Variants in SNX29 observed in about 807,000 individuals in gnomAD.
SNX29 encodes the protein sorting nexin-29.
SNX29 carries 78 observed loss-of-function variants against 102.1 expected under a neutral mutation model. The ratio of observed to expected loss-of-function variants is 0.76; its 90% CI spans 0.64 to 0.92. The LOEUF (loss-of-function observed/expected upper bound fraction) is 0.92, where lower values mean the gene tolerates loss of function less well. Ranked by LOEUF, SNX29 falls within the 40% of genes least tolerant of loss-of-function variation. The probability of loss-of-function intolerance (pLI) is 0.00; values close to 1 mark genes in which losing one functional copy is unlikely to be tolerated. For missense variants in SNX29, 1,280 were observed against 1,061.7 expected, an observed-to-expected ratio of 1.21 and a Z score of -2.86; for synonymous variants, 580 against 414.5, an observed-to-expected ratio of 1.40 and a Z score of -4.85.
intron 20 of SNX29, among the ~76,000 whole-genome samples, chr16:12,549,941 A>G (rs570586093): frequency 8.3e-4 from 126 of 152,348 alleles, no homozygotes; most frequent in African/African-American, 2.8e-3. Context: ...CCTGTTTTTT[A>G]TAAGTAAAGT....
intron 20 of SNX29, among the ~76,000 whole-genome samples, chr16:12,538,379 C>T (rs1540277): frequency 0.6 from 90,878 of 152,130 alleles, 30,785 homozygotes; most frequent in East Asian, 0.99. Context: ...CGTGAGCCAC[C>T]GCGCCCGGCC....
chr16:12,556,616 G>C (rs985313473), intron 20 of SNX29: 5 of 152,314 alleles, frequency 3.3e-5, no homozygotes, highest in Non-Finnish European at 5.9e-5. Flanking sequence ...GAAGGGTCAA[G>C]GCAAGAAGGG....
intron 18 of SNX29, among the ~76,000 whole-genome samples, chr16:12,423,998 T>C (rs560512093): frequency 6.6e-6 from 1 of 152,278 alleles, no homozygotes; most frequent in East Asian, 1.9e-4. Flanking sequence ...GTCCATGAAG[T>C]GAAGTTCTAA....
Position 12,572,389 on chromosome 16 carries a change from A to C in SNX29, c.*3760A>C, listed in dbSNP as rs2079205705. ...GCCTTCTGGAGGCGGCTTATATCCCAACAGCCTGAGGCAGGGCTCTGTGGC... is the reference window on the plus strand; with the variant it reads ...GCCTTCTGGAGGCGGCTTATATCCCCACAGCCTGAGGCAGGGCTCTGTGGC... On this transcript the variant is annotated 3_prime_UTR_variant, in exon 21 of 21. Transcript: ENST00000566228. 9.4e-7 allele frequency: 1 copy of C among 1,062,992 alleles called. No individual in the cohort carries two copies. Among genetic ancestry groups the C allele is most frequent in the Non-Finnish European group, 1.1e-6 (1 of 877,852 alleles). The allele number at this position is 1,062,992 out of a possible 1,614,324, so 65.8% of individuals were successfully genotyped here. A position where few individuals can be genotyped will look rare whatever the true frequency, so the allele number is the denominator to read the frequency against.
rs368968383 is a variant in SNX29, at chr16:12,558,570, G to A, written c.2319-9936G>A. Among the ~76,000 whole-genome samples the A allele has an allele frequency of 4.6e-5, 7 of 152,292 alleles. No homozygotes were observed. In the East Asian group the frequency reaches 7.7e-4, roughly 17 times the overall value. On this transcript the variant is annotated intron_variant, in intron 20 of 20. Coordinates refer to ENST00000566228, the MANE Select transcript of SNX29 (RefSeq NM_032167.5). ...CCATGCCTCTCAGTACCCCGTCCATGGTGGATCCATACACCTGTCACTCTC... is the reference window on the plus strand; with the variant it reads ...CCATGCCTCTCAGTACCCCGTCCATAGTGGATCCATACACCTGTCACTCTC...
At chr16:12,236,055 T>C (rs2077922373) in intron 14 of SNX29, among the ~76,000 whole-genome samples, 1 of 152,208 alleles carries the variant, frequency 6.6e-6, no homozygotes, top group Non-Finnish European at 1.5e-5. Context: ...CTGTCTCATA[T>C]ATGCTGCTCC....
chr16:12,129,780 A>G (rs62038898), intron 13 of SNX29, 22 bp downstream of exon 13: 259,479 of 1,589,128 alleles, frequency 0.16, 22,834 homozygotes, highest in East Asian at 0.27. Flanking sequence ...TGAGGGATGG[A>G]GAGGTAAGCA....
At chr16:12,488,155 C>T (rs2088344559) in intron 19 of SNX29, among the ~76,000 whole-genome samples, 2 of 152,100 alleles carry the variant, frequency 1.3e-5, no homozygotes, top group African/African-American at 4.8e-5. Context: ...AAATTAAGGT[C>T]ATTTATAGAC....
At chr16:11,984,473 A>G (rs925767019) in intron 1 of SNX29, among the ~76,000 whole-genome samples, 19 of 152,218 alleles carry the variant, frequency 1.2e-4, no homozygotes, top group Middle Eastern at 3.4e-3. Context: ...ACATTTCAGG[A>G]CAAAACTTTA....
intron 20 of SNX29, among the ~76,000 whole-genome samples, chr16:12,531,551 C>T (rs1316975331): frequency 6.6e-6 from 1 of 152,006 alleles, no homozygotes; most frequent in African/African-American, 2.4e-5. Context: ...GTCCTCATGG[C>T]AAGGGGGCAG....
At chr16:12,356,340 A>C in intron 16 of SNX29, 61 bp downstream of exon 16, 1 of 1,456,844 alleles carries the variant, frequency 6.9e-7, no homozygotes, top group East Asian at 2.5e-5. Flanking sequence ...CCCAGTAGAA[A>C]AGCACAGAGA....
At chr16:12,340,058 A>G (rs1041417044) in intron 15 of SNX29, among the ~76,000 whole-genome samples, 4 of 152,258 alleles carry the variant, frequency 2.6e-5, no homozygotes, top group Non-Finnish European at 5.9e-5. Flanking sequence ...TTAGCATCAA[A>G]TGAGGAATTG....
intron 18 of SNX29, among the ~76,000 whole-genome samples, chr16:12,427,094 G>A (rs532481551): frequency 4.5e-4 from 69 of 152,244 alleles, no homozygotes; most frequent in African/African-American, 9.6e-4. Flanking sequence ...TAATTAAAAT[G>A]TATATATTAG....
At chr16:12,475,148 G>C (rs1475847237) in intron 18 of SNX29, among the ~76,000 whole-genome samples, 1 of 152,238 alleles carries the variant, frequency 6.6e-6, no homozygotes, top group African/African-American at 2.4e-5. Flanking sequence ...TGAATGGCCA[G>C]AAAGGTTGCA....
chr16:12,252,007 C>T (rs1175081143), intron 14 of SNX29, among the ~76,000 whole-genome samples: 2 of 152,250 alleles, frequency 1.3e-5, no homozygotes, highest in East Asian at 3.9e-4. Flanking sequence ...GCAGTCCTCT[C>T]ACCTTGGCCT....
At chr16:12,390,892 AAAAG>A (rs912449201) in intron 16 of SNX29, among the ~76,000 whole-genome samples, 3 of 149,466 alleles carry the variant, frequency 2.0e-5, no homozygotes, top group Non-Finnish European at 2.9e-5. Flanking sequence ...AAAAAAAAAA[AAAAG>A]AAAAGAAAAA....
chr16:12,062,930 G>A (rs530102670), intron 9 of SNX29, among the ~76,000 whole-genome samples: 9 of 152,224 alleles, frequency 5.9e-5, no homozygotes, highest in Admixed American at 3.9e-4. Context: ...ACTGCTCTGA[G>A]CGTCAGCATT....
At chr16:12,414,754 C>G (rs545198407) in intron 18 of SNX29, among the ~76,000 whole-genome samples, 3 of 152,254 alleles carry the variant, frequency 2.0e-5, no homozygotes, top group Middle Eastern at 3.4e-3. Flanking sequence ...GAGACAGACT[C>G]TGTGTCTCCA....
intron 19 of SNX29, among the ~76,000 whole-genome samples, chr16:12,480,321 C>A (rs1311815015): frequency 2.0e-5 from 3 of 152,192 alleles, no homozygotes; most frequent in Non-Finnish European, 4.4e-5. Flanking sequence ...TTCAGCTTCT[C>A]AAGGCCACCC....
Sources: gnomAD v4.1 joint callset for allele counts (sites outside exome capture counted in the v4.1 genomes callset) on GRCh38, gnomAD v4.1.1 for gene constraint, MANE v1.5 for transcripts, NCBI Gene and HGNC (gene_info 2026-07-23, HGNC 2026-07-21) for gene names.